Variants in MTCL3 observed in about 807,000 individuals in gnomAD.
MTCL3 encodes the protein microtubule cross-linking factor 3.
chr6:127,485,035 A>C, the MTCL3 span, among the ~76,000 whole-genome samples: 3 of 152,202 alleles, frequency 2.0e-5, no homozygotes, highest in African/African-American at 7.2e-5. Flanking sequence ...GATGAGGCCC[A>C]GTGATCTATG....
the MTCL3 span, among the ~76,000 whole-genome samples, chr6:127,490,639 A>G: frequency 6.6e-6 from 1 of 152,076 alleles, no homozygotes; most frequent in East Asian, 1.9e-4. Flanking sequence ...CAACACGGTG[A>G]AACTCCGTCT....
chr6:127,492,512 T>C, the MTCL3 span, among the ~76,000 whole-genome samples: 5 of 152,236 alleles, frequency 3.3e-5, no homozygotes, highest in African/African-American at 1.2e-4. Flanking sequence ...TTTGCCACTA[T>C]TTTGATTCCA....
the MTCL3 span, chr6:127,515,727 G>T: frequency 1.3e-6 from 2 of 1,593,752 alleles, no homozygotes; most frequent in South Asian, 1.1e-5. The surrounding 1 kb of genome is among the most constrained non-coding windows in gnomAD (Gnocchi z 4.3). Context: ...AAACGGCAGG[G>T]GGGCCAGACA....
At chr6:127,491,812 A>G in the MTCL3 span, among the ~76,000 whole-genome samples, 1 of 150,134 alleles carries the variant, frequency 6.7e-6, no homozygotes, top group South Asian at 2.1e-4. Flanking sequence ...TCGAGGCTGC[A>G]GTAAACTATA....
At chr6:127,476,081 G>T in the MTCL3 span, 1 of 1,613,894 alleles carries the variant, frequency 6.2e-7, no homozygotes, top group Non-Finnish European at 8.5e-7. The surrounding 1 kb of genome is among the most constrained non-coding windows in gnomAD (Gnocchi z 4.4). Flanking sequence ...ACCAGCTGCA[G>T]GTGCTGCCGC....
chr6:127,489,274 C>T, the MTCL3 span, among the ~76,000 whole-genome samples: 1 of 152,160 alleles, frequency 6.6e-6, no homozygotes, highest in Non-Finnish European at 1.5e-5. Flanking sequence ...TCTATCTGCT[C>T]CACCAACTGG....
chr6:127,482,962 C>T, the MTCL3 span: 1 of 1,608,110 alleles, frequency 6.2e-7, no homozygotes, highest in Non-Finnish European at 8.5e-7. The surrounding 1 kb of genome is among the most constrained non-coding windows in gnomAD (Gnocchi z 4.1). Context: ...CAAATCTTTG[C>T]TTCCTCTTCT....
chr6:127,493,803 G>A, the MTCL3 span, among the ~76,000 whole-genome samples: 4 of 152,120 alleles, frequency 2.6e-5, no homozygotes, highest in Admixed American at 1.3e-4. Flanking sequence ...TGTGATCATG[G>A]TATTATTTTG....
chr6:127,486,004 A>C, the MTCL3 span, among the ~76,000 whole-genome samples: 2 of 152,184 alleles, frequency 1.3e-5, no homozygotes, highest in East Asian at 3.8e-4. Context: ...AACTCCTGAA[A>C]AGAAGTGATG....
chr6:127,514,629 ACT>A, the MTCL3 span, among the ~76,000 whole-genome samples: 1 of 151,540 alleles, frequency 6.6e-6, no homozygotes, highest in Non-Finnish European at 1.5e-5. Context: ...CCCTCCACAC[ACT>A]CTGCACTCTT....
At chr6:127,508,215 TTTA>T in the MTCL3 span, among the ~76,000 whole-genome samples, 2 of 152,220 alleles carry the variant, frequency 1.3e-5, no homozygotes, top group Non-Finnish European at 2.9e-5. Flanking sequence ...TTTTTCACAT[TTTA>T]TTATTCAGGT....
the MTCL3 span, among the ~76,000 whole-genome samples, chr6:127,485,310 T>C: frequency 6.6e-6 from 1 of 151,950 alleles, no homozygotes; most frequent in Admixed American, 6.6e-5. Flanking sequence ...GCATTCCACA[T>C]AGAAAAACCA....
At chr6:127,508,856 G>A in the MTCL3 span, among the ~76,000 whole-genome samples, 5 of 152,258 alleles carry the variant, frequency 3.3e-5, no homozygotes, top group Middle Eastern at 0.01. Flanking sequence ...CTACAGCAGC[G>A]GAACCTCATG....
At chr6:127,515,860 T>G in the MTCL3 span, 5 of 1,611,260 alleles carry the variant, frequency 3.1e-6, no homozygotes, top group African/African-American at 6.7e-5. This position sits in a 1 kb window ranked among gnomAD's most constrained non-coding sequence, Gnocchi z 4.3. Context: ...CAGACATCCT[T>G]CTTTCCAGTA....
chr6:127,478,973 C>T, the MTCL3 span, among the ~76,000 whole-genome samples: 33 of 143,188 alleles, frequency 2.3e-4, no homozygotes, highest in Admixed American at 1.3e-3. Flanking sequence ...GCCGAGATTG[C>T]GCCACTGCAC....
At chr6:127,483,546 G>T in the MTCL3 span, among the ~76,000 whole-genome samples, 1 of 152,158 alleles carries the variant, frequency 6.6e-6, no homozygotes, top group South Asian at 2.1e-4. Flanking sequence ...CAAGAAACAG[G>T]TGGACCAGCC....
At chr6:127,515,468 G>C in the MTCL3 span, 8 of 1,397,596 alleles carry the variant, frequency 5.7e-6, no homozygotes, top group African/African-American at 1.5e-5. This position sits in a 1 kb window ranked among gnomAD's most constrained non-coding sequence, Gnocchi z 4.3. Context: ...AATCCTCCCA[G>C]GCCCACTCTT....
At chr6:127,517,052 A>G in the MTCL3 span, among the ~76,000 whole-genome samples, 1 of 152,232 alleles carries the variant, frequency 6.6e-6, no homozygotes, top group African/African-American at 2.4e-5. Context: ...TTCAGAAAGA[A>G]AAGATATCCA....
chr6:127,507,759 C>T, the MTCL3 span, among the ~76,000 whole-genome samples: 1 of 142,614 alleles, frequency 7.0e-6, no homozygotes, highest in Non-Finnish European at 1.5e-5. Flanking sequence ...AGTAGAATGG[C>T]GAGAACCCAG....
Sources: gnomAD v4.1 joint callset for allele counts (sites outside exome capture counted in the v4.1 genomes callset) on GRCh38, gnomAD v4.1.1 for gene constraint, Gnocchi (gnomAD v3.1) non-coding constraint, MANE v1.5 for transcripts, NCBI Gene and HGNC (gene_info 2026-07-23, HGNC 2026-07-21) for gene names.